Variants in PIKFYVE observed in about 807,000 individuals in gnomAD.
The protein encoded by PIKFYVE is phosphoinositide kinase, FYVE-type zinc finger containing, also known as 1-phosphatidylinositol 3-phosphate 5-kinase.
PIKFYVE carries 122 observed loss-of-function variants against 257.9 expected under a neutral mutation model. That is an observed-to-expected ratio of 0.47 (90% CI 0.41 to 0.55). PIKFYVE has a LOEUF of 0.55. Among genes scored for constraint, PIKFYVE ranks in the 20% least tolerant of loss-of-function variants. The pLI, the probability that PIKFYVE is intolerant of heterozygous loss-of-function variation, is 0.00. For synonymous variants in PIKFYVE, 892 were observed against 868.9 expected (o/e 1.03, Z -0.47); for missense variants, 2,160 against 2,536.6 (o/e 0.85, Z 3.19).
intron 32 of PIKFYVE, among the ~76,000 whole-genome samples, chr2:208,344,787 A>G (rs936020779): frequency 6.6e-6 from 1 of 152,012 alleles, no homozygotes; most frequent in Non-Finnish European, 1.5e-5. Context: ...ATTGTACTCA[A>G]CACTGAGGCT....
chr2:208,327,224 A>T (rs1257560758), intron 20 of PIKFYVE, among the ~76,000 whole-genome samples: 2 of 152,226 alleles, frequency 1.3e-5, no homozygotes, highest in Non-Finnish European at 2.9e-5. Flanking sequence ...CATAAATTTT[A>T]TGTAAGTTTA....
At chr2:208,336,318 C>A in intron 27 of PIKFYVE, 118 bp downstream of exon 27, 4 of 1,167,414 alleles carry the variant, frequency 3.4e-6, no homozygotes, top group East Asian at 2.5e-5. Context: ...AGTTAAAGAG[C>A]CTTTTGTTTC....
chr2:208,303,101 G>A (rs10804168), intron 10 of PIKFYVE, among the ~76,000 whole-genome samples: 141,489 of 152,118 alleles, frequency 0.93, 66,325 homozygotes, highest in Non-Finnish European at 0.98. Context: ...ACAAACAAAC[G>A]AAAAACAATG....
Position 208,355,556 on chromosome 2 carries a change from A to G in PIKFYVE, c.*251A>G, listed in dbSNP as rs949812656. ...AAAATTTTCTTAAGCTAAAATACAG[A>G]CATGTTTCAAAGGGCTAAAGTTGGA... On this transcript the variant is annotated 3_prime_UTR_variant, in exon 42 of 42. Transcript: ENST00000264380. The G allele has an allele frequency of 4.8e-6, 2 of 417,370 alleles. No individual in the cohort carries two copies. The highest frequency in any genetic ancestry group is 5.2e-5 in the South Asian group (2 of 38,166). The allele number at this position is 417,370 out of a possible 1,614,324, so 25.9% of individuals were successfully genotyped here.
rs1025582910 is a variant in PIKFYVE at position 208,351,416 on chromosome 2, A to G, written c.5676A>G (p.Pro1892=). The change falls in exon 38 of 42, where the codon CCA becomes CCG. Residue 1892 remains proline (P), a synonymous_variant. Coordinates refer to ENST00000264380, the MANE Select transcript of PIKFYVE (RefSeq NM_015040.4). ...TCCAGTCCTTCCTCGACTTTGCACC[A>G]CATTACTTCAATTATATTACAAATG... ...LEVQSFLDFA[P]HYFNYITNAV... 5 of 1,613,160 alleles carry G rather than the reference A, an allele frequency of 3.1e-6. No individual in the cohort carries two copies. The highest frequency in any genetic ancestry group is 3.3e-5 in the Admixed American group (2 of 60,010).
intron 17 of PIKFYVE, among the ~76,000 whole-genome samples, chr2:208,321,575 G>GTTTTTTT (rs869195257): frequency 7.0e-5 from 10 of 143,084 alleles, no homozygotes; most frequent in Non-Finnish European, 1.1e-4. Flanking sequence ...CTTTTCTTTT[G>GTTTTTTT]TTTTTTTTTT....
intron 24 of PIKFYVE, 91 bp from the exon 25 acceptor site, chr2:208,335,215 T>C (rs950194217): frequency 1.1e-6 from 1 of 873,428 alleles, no homozygotes; most frequent in Non-Finnish European, 1.9e-6. Context: ...CTCTTATGCC[T>C]CATAGAATAT....
chr2:208,285,897 G>A lies in PIKFYVE; in HGVS notation c.785G>A (p.Arg262His), dbSNP rs764161983. Residue 262 changes from arginine to histidine, a missense_variant, in exon 6 of 42, where the codon CGT becomes CAT. By Grantham distance (29) the Arg-to-His change is conservative (BLOSUM62 0). This residue lies in a region of PIKFYVE where 187 missense variants were observed against 185.6 expected (regional missense o/e 1.01). Coordinates refer to ENST00000264380, the MANE Select transcript of PIKFYVE (RefSeq NM_015040.4). ...RTPVGSRKAS[R>H]NIFLEDDLAW... ...CCTGTTGGGAGTAGGAAAGCCAGCC[G>A]TAACATATTTTTAGAGGATGATTTG... The A allele has an allele frequency of 2.5e-6, 4 of 1,614,100 alleles. No individual in the cohort carries two copies. The highest frequency in any genetic ancestry group is 1.1e-5 in the South Asian group (1 of 91,088).
At position 208,315,342 on chromosome 2, in the gene PIKFYVE, T is replaced by C; in HGVS notation, c.1976T>C (p.Met659Thr). ...RPDVKNQDDD[M>T]DIRQFVHIKK... Reference sequence around the variant, plus strand: ...GATGTCAAGAACCAGGATGATGACATGGATATCCGTCAGTTTGTCCACATC... The same window carrying C: ...GATGTCAAGAACCAGGATGATGACACGGATATCCGTCAGTTTGTCCACATC... Residue 659 changes from methionine to threonine, a missense_variant, in exon 15 of 42, where the codon ATG becomes ACG. Coordinates refer to ENST00000264380, the MANE Select transcript of PIKFYVE (RefSeq NM_015040.4). 6.2e-7 allele frequency: 1 copy of C among 1,614,152 alleles called. No homozygotes were observed. Among genetic ancestry groups the C allele is most frequent in the Non-Finnish European group, 8.5e-7 (1 of 1,180,010 alleles).
At chr2:208,270,895 C>T (rs1244878258) in intron 1 of PIKFYVE, among the ~76,000 whole-genome samples, 3 of 151,746 alleles carry the variant, frequency 2.0e-5, no homozygotes, top group Non-Finnish European at 4.4e-5. Context: ...ATTAACTGGG[C>T]GTGGTGACTG....
At chr2:208,312,357 G>A in intron 13 of PIKFYVE, 62 bp downstream of exon 13, 5 of 1,301,840 alleles carry the variant, frequency 3.8e-6, no homozygotes, top group Non-Finnish European at 5.5e-6. Context: ...ATATACTTAG[G>A]GCTTAGCACA....
chr2:208,340,530 A>G (rs577322506), intron 31 of PIKFYVE, among the ~76,000 whole-genome samples: 108 of 152,312 alleles, frequency 7.1e-4, no homozygotes, highest in African/African-American at 2.5e-3. Flanking sequence ...AGTGACTTGT[A>G]CAAGTTTTCA....
In PIKFYVE at chr2:208,354,087, C is replaced by T; in HGVS notation, c.6034C>T (p.His2012Tyr). ...TAGTGACTCCCATTTCCTTTCTAGC[C>T]ACCTCATTATAGATTATTCTTTGCT... Reference protein sequence around the residue: ...IHSDSHFLSSHLIIDYSLLVG... With the variant: ...IHSDSHFLSSYLIIDYSLLVG... Residue 2012 changes from histidine (H) to tyrosine (Y), a missense_variant, in exon 40 of 42, where the codon CAC becomes TAC. Around this residue, in one of 12 missense-constraint regions of PIKFYVE, gnomAD observed 699 missense variants for 855.8 expected, o/e 0.82. Coordinates refer to ENST00000264380, the MANE Select transcript of PIKFYVE (RefSeq NM_015040.4). 6.2e-7 allele frequency: 1 copy of T among 1,613,890 alleles called. No homozygotes were observed. The highest frequency in any genetic ancestry group is 8.5e-7 in the Non-Finnish European group (1 of 1,179,872).
At chr2:208,322,966 A>AGTTTT in intron 17 of PIKFYVE, among the ~76,000 whole-genome samples, 1 of 149,248 alleles carries the variant, frequency 6.7e-6, no homozygotes, top group Non-Finnish European at 1.5e-5. Context: ...TGTCCTTGTG[A>AGTTTT]TAGTTTGCTG....
chr2:208,349,900 T>C, intron 35 of PIKFYVE, 124 bp from the exon 36 acceptor site: 1 of 1,394,266 alleles, frequency 7.2e-7, no homozygotes, highest in Non-Finnish European at 9.7e-7. Flanking sequence ...GATAGTGACT[T>C]GAGTAGGATA....
intron 4 of PIKFYVE, 51 bp downstream of exon 4, chr2:208,276,881 A>G (rs1423058339): frequency 1.4e-6 from 2 of 1,436,126 alleles, no homozygotes; most frequent in African/African-American, 2.8e-5. Context: ...TATGGGGATC[A>G]TGCCATACCT....
chr2:208,272,208 C>G (rs966056670), intron 2 of PIKFYVE, among the ~76,000 whole-genome samples: 3 of 151,088 alleles, frequency 2.0e-5, no homozygotes, highest in Non-Finnish European at 4.4e-5. Flanking sequence ...GTACTCCAGC[C>G]TGGGTGACAG....
At chr2:208,294,637 G>A (rs909628023) in intron 7 of PIKFYVE, among the ~76,000 whole-genome samples, 1 of 151,994 alleles carries the variant, frequency 6.6e-6, no homozygotes, top group East Asian at 1.9e-4. Flanking sequence ...AGGGCTTTTC[G>A]TTTTTTTCCC....
intron 6 of PIKFYVE, among the ~76,000 whole-genome samples, chr2:208,288,297 G>A (rs1039270368): frequency 1.3e-5 from 2 of 152,136 alleles, no homozygotes; most frequent in Non-Finnish European, 2.9e-5. Context: ...ATGAACCCAA[G>A]GTCATGTAGC....
Sources: allele counts gnomAD v4.1 joint callset (sites outside exome capture counted in the v4.1 genomes callset), GRCh38; gene constraint gnomAD v4.1.1; regional missense constraint gnomAD v4.1.1; transcripts MANE v1.5; gene names NCBI Gene and HGNC (gene_info 2026-07-23, HGNC 2026-07-21).